The following CDH12 variants were observed in gnomAD, a reference collection of about 807,000 sequenced individuals.
CDH12 encodes the protein cadherin 12, also known as cadherin-12.
A neutral mutation model predicts 74.1 loss-of-function variants in CDH12; 41 were observed. The ratio of observed to expected loss-of-function variants is 0.55; its 90% CI spans 0.43 to 0.72. The LOEUF is 0.72. CDH12 is among the 30% of genes least tolerant of loss of function. The pLI, the probability that CDH12 is intolerant of heterozygous loss-of-function variation, is 0.00. For synonymous variants in CDH12, 399 were observed against 355.0 expected, an observed-to-expected ratio of 1.12 and a Z score of -1.39; for missense variants, 945 against 977.2, an observed-to-expected ratio of 0.97 and a Z score of 0.44.
chr5:22,242,757 T>C (rs749721733), intron 3 of CDH12, among the ~76,000 whole-genome samples: 1 of 152,180 alleles, frequency 6.6e-6, no homozygotes, highest in Non-Finnish European at 1.5e-5. Context: ...CCATCAGTAC[T>C]AGCCTTAAGC....
chr5:22,614,126 C>T (rs192398646), intron 1 of CDH12, among the ~76,000 whole-genome samples: 1 of 152,014 alleles, frequency 6.6e-6, no homozygotes, highest in African/African-American at 2.4e-5. Context: ...AATATAGACG[C>T]TCTTAGTAGA....
At chr5:22,079,142 T>A (rs1742542162) in intron 4 of CDH12, among the ~76,000 whole-genome samples, 1 of 152,154 alleles carries the variant, frequency 6.6e-6, no homozygotes, top group South Asian at 2.1e-4. Flanking sequence ...AGGAGAAAAA[T>A]ACAGACCACT....
intron 5 of CDH12, among the ~76,000 whole-genome samples, chr5:22,012,143 T>TA (rs11382358): frequency 0.36 from 55,148 of 151,700 alleles, 13,452 homozygotes; most frequent in African/African-American, 0.7. Flanking sequence ...ACTAGAGATA[T>TA]AGAATATATA....
chr5:21,922,259 A>T (rs951776519), intron 6 of CDH12, among the ~76,000 whole-genome samples: 2 of 152,188 alleles, frequency 1.3e-5, no homozygotes, highest in Admixed American at 6.6e-5. Flanking sequence ...TTATCATAGA[A>T]TTTCAGAGTA....
At chr5:22,806,547 G>A (rs1238798651) in intron 1 of CDH12, among the ~76,000 whole-genome samples, 1 of 151,804 alleles carries the variant, frequency 6.6e-6, no homozygotes, top group Admixed American at 6.6e-5. Context: ...GTAGAGACGG[G>A]GTTTCACCGT....
intron 1 of CDH12, among the ~76,000 whole-genome samples, chr5:22,823,307 G>A (rs527800767): frequency 1.6e-3 from 250 of 151,874 alleles, no homozygotes; most frequent in East Asian, 2.5e-3. Context: ...TGGGTGCAGC[G>A]CACCAGCATG....
chr5:22,340,014 T>C (rs1739773574), intron 3 of CDH12, among the ~76,000 whole-genome samples: 1 of 152,212 alleles, frequency 6.6e-6, no homozygotes, highest in Admixed American at 6.5e-5. Context: ...TGTTCAATGG[T>C]TTCATTTTAA....
chr5:22,374,938 A>C (rs1483796400), intron 3 of CDH12, among the ~76,000 whole-genome samples: 1 of 151,932 alleles, frequency 6.6e-6, no homozygotes, highest in East Asian at 1.9e-4. Flanking sequence ...ATCATTTTTC[A>C]CAGAATTAAA....
intron 9 of CDH12, among the ~76,000 whole-genome samples, chr5:21,814,305 T>C (rs1747924317): frequency 6.6e-6 from 1 of 152,018 alleles, no homozygotes; most frequent in Non-Finnish European, 1.5e-5. Flanking sequence ...AAATTCTAAA[T>C]AAACACAATA....
At chr5:22,472,540 T>C (rs758749211) in intron 2 of CDH12, among the ~76,000 whole-genome samples, 1 of 152,132 alleles carries the variant, frequency 6.6e-6, no homozygotes, top group Non-Finnish European at 1.5e-5. Flanking sequence ...GGATTTCTTG[T>C]AGGAATTTAA....
chr5:22,292,614 T>C (rs1737443095), intron 3 of CDH12, among the ~76,000 whole-genome samples: 1 of 131,956 alleles, frequency 7.6e-6, no homozygotes, highest in Non-Finnish European at 1.7e-5. Flanking sequence ...ACCTGAAAGA[T>C]GCTTCTCAAA....
intron 4 of CDH12, among the ~76,000 whole-genome samples, chr5:22,130,024 G>T (rs1284678698): frequency 2.0e-5 from 3 of 151,784 alleles, no homozygotes; most frequent in Non-Finnish European, 2.9e-5. Context: ...TGTTTTGCAT[G>T]AAGAAAGATG....
At chr5:22,253,422 A>G (rs538743806) in intron 3 of CDH12, among the ~76,000 whole-genome samples, 1 of 152,018 alleles carries the variant, frequency 6.6e-6, no homozygotes, top group Admixed American at 6.6e-5. Context: ...AAACAATGAT[A>G]CTCAAAAATT....
At chr5:22,185,486 G>A (rs1174676235) in intron 4 of CDH12, among the ~76,000 whole-genome samples, 4 of 152,194 alleles carry the variant, frequency 2.6e-5, no homozygotes, top group Non-Finnish European at 4.4e-5. Context: ...CTACTGGCAT[G>A]TAACCTGAAT....
chr5:22,447,254 T>C (rs990634711), intron 2 of CDH12, among the ~76,000 whole-genome samples: 1 of 152,102 alleles, frequency 6.6e-6, no homozygotes, highest in Non-Finnish European at 1.5e-5. Context: ...TATCTTTTAT[T>C]ACATTATTCT....
chr5:22,042,241 C>T (rs1462563301), intron 5 of CDH12, among the ~76,000 whole-genome samples: 4 of 149,962 alleles, frequency 2.7e-5, no homozygotes, highest in Non-Finnish European at 5.9e-5. Flanking sequence ...AACATTGTAA[C>T]TTAAGGAATT....
chr5:22,048,517 T>C (rs1740121833), intron 5 of CDH12, among the ~76,000 whole-genome samples: 1 of 152,172 alleles, frequency 6.6e-6, no homozygotes, highest in Non-Finnish European at 1.5e-5. Context: ...CTTTTTAGTT[T>C]AAAATCTAGT....
intron 4 of CDH12, among the ~76,000 whole-genome samples, chr5:22,203,374 C>T (rs1044278223): frequency 1.8e-4 from 27 of 152,162 alleles, no homozygotes; most frequent in Non-Finnish European, 2.6e-4. Flanking sequence ...GCTTATTTCA[C>T]TTAACATACT....
At chr5:22,384,340 C>A (rs967191959) in intron 3 of CDH12, among the ~76,000 whole-genome samples, 1 of 150,572 alleles carries the variant, frequency 6.6e-6, no homozygotes, top group African/African-American at 2.4e-5. Flanking sequence ...CTGGCTAACA[C>A]GGTGAAACCC....
Sources: allele counts gnomAD v4.1 joint callset (sites outside exome capture counted in the v4.1 genomes callset), GRCh38; gene constraint gnomAD v4.1.1; transcripts MANE v1.5; gene names NCBI Gene and HGNC (gene_info 2026-07-23, HGNC 2026-07-21).